The following METAP1 variants were observed in gnomAD, a reference collection of about 807,000 sequenced individuals.
METAP1 encodes methionyl aminopeptidase 1, also known as methionine aminopeptidase 1.
METAP1 carries 28 observed loss-of-function variants against 53.8 expected under a neutral mutation model. The observed-to-expected ratio is 0.52, with a 90% confidence interval of 0.39 to 0.71. The LOEUF is 0.71. Ranked by LOEUF, METAP1 falls within the 30% of genes least tolerant of loss-of-function variation. METAP1 has a pLI of 0.00. For synonymous variants in METAP1, 181 were observed against 165.7 expected, an observed-to-expected ratio of 1.09 and a Z score of -0.71; for missense variants, 389 against 479.8, an observed-to-expected ratio of 0.81 and a Z score of 1.77.
At chr4:99,022,847 C>T in intron 1 of METAP1, 3 of 1,563,880 alleles carry the variant, frequency 1.9e-6, no homozygotes, top group Non-Finnish European at 2.6e-6. Flanking sequence ...CTGCTTTTTT[C>T]CCTCCCACGG....
chr4:99,021,067 T>G (rs1399255992), intron 1 of METAP1, among the ~76,000 whole-genome samples: 6 of 152,178 alleles, frequency 3.9e-5, no homozygotes, highest in Non-Finnish European at 7.3e-5. Flanking sequence ...CTCAAATGTA[T>G]TTACTCCTTT....
intron 2 of METAP1, among the ~76,000 whole-genome samples, 190 bp downstream of exon 2, chr4:99,029,108 T>G (rs1004868863): frequency 1.3e-5 from 2 of 152,208 alleles, no homozygotes; most frequent in African/African-American, 4.8e-5. Flanking sequence ...TATCTTAATC[T>G]TGTATTACAT....
chr4:99,057,304 C>T (rs1727223230), intron 9 of METAP1, among the ~76,000 whole-genome samples: 1 of 152,184 alleles, frequency 6.6e-6, no homozygotes, highest in Non-Finnish European at 1.5e-5. Flanking sequence ...CACATGCTTA[C>T]CCCCCAAAGC....
chr4:99,036,073 G>A (rs1284575250), intron 4 of METAP1: 1 of 154,264 alleles, frequency 6.5e-6, no homozygotes, highest in African/African-American at 2.4e-5. Context: ...AGCGAAGATA[G>A]GTAATTTGCA....
intron 10 of METAP1, among the ~76,000 whole-genome samples, chr4:99,059,572 A>C (rs2110437655): frequency 6.6e-6 from 1 of 152,342 alleles, no homozygotes; most frequent in East Asian, 1.9e-4. Flanking sequence ...ATTACTCAAA[A>C]TGAAGAAAGT....
intron 9 of METAP1, among the ~76,000 whole-genome samples, chr4:99,055,710 A>G (rs1727061865): frequency 6.6e-6 from 1 of 152,172 alleles, no homozygotes. Flanking sequence ...CTGATTGGTC[A>G]CTTTTCAAGT....
intron 1 of METAP1, among the ~76,000 whole-genome samples, chr4:99,019,000 C>A (rs1483397371): frequency 2.0e-5 from 3 of 152,192 alleles, no homozygotes; most frequent in African/African-American, 7.2e-5. Flanking sequence ...AGGGAAGGAA[C>A]CCCTTTGGCC....
At chr4:99,021,210 C>T (rs1724086611) in intron 1 of METAP1, among the ~76,000 whole-genome samples, 1 of 152,204 alleles carries the variant, frequency 6.6e-6, no homozygotes, top group African/African-American at 2.4e-5. Context: ...GTCACTTTCT[C>T]TCAACCACAG....
At chr4:99,020,255 C>G (rs1343545358) in intron 1 of METAP1, among the ~76,000 whole-genome samples, 2 of 152,170 alleles carry the variant, frequency 1.3e-5, no homozygotes, top group African/African-American at 4.8e-5. Flanking sequence ...GGTCATCTAG[C>G]AAAGGCTTAA....
Position 99,022,771 on chromosome 4 carries a change from C to G in METAP1, c.115-6096C>G, listed in dbSNP as rs1329900728. The G allele has an allele frequency of 1.0e-5, 16 of 1,602,528 alleles. No homozygotes were observed. In the African/African-American group the frequency reaches 1.2e-4, roughly 12 times the overall value. On this transcript the variant is annotated intron_variant, in intron 1 of 10. Coordinates refer to ENST00000296411, the MANE Select transcript of METAP1 (RefSeq NM_015143.3). The stretch of plus-strand genomic sequence containing the variant: ...TAGGCGTGTTGTGTAGACTGGCCGC[C>G]ACACTCTTGGCTATGCGCTTGTCAC...
intron 1 of METAP1, among the ~76,000 whole-genome samples, chr4:99,021,658 A>T (rs1467441410): frequency 6.6e-6 from 1 of 152,164 alleles, no homozygotes; most frequent in East Asian, 1.9e-4. Flanking sequence ...GGACATTTAT[A>T]ACCTTTACAT....
chr4:99,046,953 A>AAG lies in METAP1; in HGVS notation c.787+1644_787+1645insGA, dbSNP rs1553946576. Among the ~76,000 whole-genome samples the AAG allele has an allele frequency of 1.5e-3, 222 of 149,030 alleles. 1 individual carries two copies. The highest frequency in any genetic ancestry group is 5.3e-3 in the African/African-American group (212 of 40,124). On this transcript the variant is annotated intron_variant, in intron 8 of 10. Coordinates refer to ENST00000296411, the MANE Select transcript of METAP1 (RefSeq NM_015143.3). ...TGAAGAAACAAAAAAAAAAAAAAAA[A>AAG]AAAAAGAAAAAGAAAAAACCAGATA...
At chr4:99,053,729 T>C (rs1486066575) in intron 9 of METAP1, among the ~76,000 whole-genome samples, 2 of 152,158 alleles carry the variant, frequency 1.3e-5, no homozygotes, top group African/African-American at 4.8e-5. Flanking sequence ...ACAGAATAGA[T>C]GCCATGTTAG....
chr4:99,038,829 C>T (rs192373286), intron 4 of METAP1, among the ~76,000 whole-genome samples: 5 of 152,100 alleles, frequency 3.3e-5, no homozygotes, highest in African/African-American at 7.2e-5. Context: ...ATTCCTACTC[C>T]GTATAATACG....
At chr4:99,039,866 A>G (rs946578034) in intron 5 of METAP1, among the ~76,000 whole-genome samples, 8 of 152,206 alleles carry the variant, frequency 5.3e-5, no homozygotes, top group African/African-American at 1.7e-4. Flanking sequence ...TGCTGGGATT[A>G]CAGGCGTGAG....
At chr4:99,044,166 C>T (rs964367389) in intron 7 of METAP1, among the ~76,000 whole-genome samples, 3 of 152,060 alleles carry the variant, frequency 2.0e-5, no homozygotes, top group Non-Finnish European at 4.4e-5. Flanking sequence ...TGGACTCAAG[C>T]ATCTGCCCAC....
intron 1 of METAP1, among the ~76,000 whole-genome samples, chr4:99,002,384 C>G (rs1159489726): frequency 6.6e-6 from 1 of 152,196 alleles, no homozygotes; most frequent in East Asian, 1.9e-4. Context: ...AATTACAACC[C>G]TTTGTGCTTG....
At position 99,034,227 on chromosome 4, in the gene METAP1, C is replaced by T. The variant is rs1022305399; in HGVS notation, c.167-3C>T. The T allele has an allele frequency of 6.5e-7, 1 of 1,529,638 alleles. No individual in the cohort carries two copies. Among genetic ancestry groups the T allele is most frequent in the Non-Finnish European group, 8.9e-7 (1 of 1,127,090 alleles). 94.8% of individuals were successfully genotyped at this position (1,529,638 alleles called of 1,614,324 possible). ...CTCTCATATCTATTCCTCCGTCTCCCAGAAGATGAAAAGGCGAAGCGAGAA... is the reference window on the plus strand; with the variant it reads ...CTCTCATATCTATTCCTCCGTCTCCTAGAAGATGAAAAGGCGAAGCGAGAA... On this transcript the variant is annotated splice_polypyrimidine_tract_variant and splice_region_variant and intron_variant, in intron 2 of 10. Transcript: ENST00000296411.
At chr4:99,041,641 A>T (rs539087045) in intron 6 of METAP1, among the ~76,000 whole-genome samples, 45 of 151,982 alleles carry the variant, frequency 3.0e-4, no homozygotes, top group Admixed American at 1.3e-3. Context: ...TATGAATTTT[A>T]AAAAAAAGAG....
Sources: gnomAD v4.1 joint callset for allele counts (sites outside exome capture counted in the v4.1 genomes callset) on GRCh38, gnomAD v4.1.1 for gene constraint, MANE v1.5 for transcripts, NCBI Gene and HGNC (gene_info 2026-07-23, HGNC 2026-07-21) for gene names.